Variants in SLC4A10 observed in about 807,000 individuals in gnomAD.
SLC4A10 encodes the protein solute carrier family 4 member 10.
A neutral mutation model predicts 137.7 loss-of-function variants in SLC4A10; 42 were observed. The ratio of observed to expected loss-of-function variants is 0.30; its 90% CI spans 0.24 to 0.39. The LOEUF (loss-of-function observed/expected upper bound fraction) is 0.39, where lower values mean the gene tolerates loss of function less well. SLC4A10 is among the 10% of genes least tolerant of loss of function. The probability of loss-of-function intolerance (pLI) is 1.00; values close to 1 mark genes in which losing one functional copy is unlikely to be tolerated. For missense variants in SLC4A10, 925 were observed against 1,355.0 expected (o/e 0.68, Z 4.98); for synonymous variants, 474 against 464.1 (o/e 1.02, Z -0.27).
At chr2:161,929,623 C>G (rs1689952314) in intron 15 of SLC4A10, among the ~76,000 whole-genome samples, 1 of 152,098 alleles carries the variant, frequency 6.6e-6, no homozygotes, top group African/African-American at 2.4e-5. Context: ...ATTTCTGCTT[C>G]CTCAATTCCA....
chr2:161,671,600 G>T (rs2039729342), intron 1 of SLC4A10, among the ~76,000 whole-genome samples: 1 of 152,112 alleles, frequency 6.6e-6, no homozygotes, highest in African/African-American at 2.4e-5. Context: ...CACCACCTGG[G>T]TGACAGGATC....
intron 1 of SLC4A10, among the ~76,000 whole-genome samples, chr2:161,717,375 T>C (rs1440547720): frequency 6.6e-6 from 1 of 152,234 alleles, no homozygotes; most frequent in Non-Finnish European, 1.5e-5. Context: ...GTGCCAGTTT[T>C]CAAGGGGAAT....
At chr2:161,861,018 G>A (rs560274723) in intron 5 of SLC4A10, among the ~76,000 whole-genome samples, 33 of 152,220 alleles carry the variant, frequency 2.2e-4, no homozygotes, top group Non-Finnish European at 4.4e-4. Context: ...GCTCATTTGT[G>A]TACATGTTGC....
At chr2:161,965,352 GAGAGAATGAAGATCTT>G (rs1697401165) in intron 23 of SLC4A10, among the ~76,000 whole-genome samples, 179 bp downstream of exon 23, 1 of 152,142 alleles carries the variant, frequency 6.6e-6, no homozygotes, top group Admixed American at 6.5e-5. Flanking sequence ...TTTGAACAGA[GAGAGAATGAAGATCTT>G]ATAGGAGGAA....
chr2:161,843,470 G>C (rs966233852), intron 4 of SLC4A10, among the ~76,000 whole-genome samples: 1 of 152,168 alleles, frequency 6.6e-6, no homozygotes, highest in South Asian at 2.1e-4. Context: ...TGCTATAGCT[G>C]TTTGAGCTTC....
chr2:161,770,062 G>T (rs1372420068), intron 1 of SLC4A10, among the ~76,000 whole-genome samples: 2 of 151,744 alleles, frequency 1.3e-5, no homozygotes, highest in Non-Finnish European at 2.9e-5. Context: ...GTCATATACT[G>T]GAATAGACAG....
At chr2:161,893,516 C>A (rs987269362) in intron 10 of SLC4A10, among the ~76,000 whole-genome samples, 3 of 152,066 alleles carry the variant, frequency 2.0e-5, no homozygotes, top group Admixed American at 2.0e-4. Context: ...GGCAACATAG[C>A]AAGACTCTGT....
At chr2:161,881,513 A>G (rs1430094867) in intron 9 of SLC4A10, among the ~76,000 whole-genome samples, 1 of 152,082 alleles carries the variant, frequency 6.6e-6, no homozygotes, top group Non-Finnish European at 1.5e-5. Flanking sequence ...GAGTAGAATT[A>G]TAGTAACTAT....
chr2:161,803,791 A>G (rs1464755566), intron 2 of SLC4A10, among the ~76,000 whole-genome samples: 1 of 152,172 alleles, frequency 6.6e-6, no homozygotes, highest in Non-Finnish European at 1.5e-5. Flanking sequence ...ACTGAACCCT[A>G]TATATACTGT....
chr2:161,645,212 A>G (rs2035869218), intron 1 of SLC4A10, among the ~76,000 whole-genome samples: 1 of 101,008 alleles, frequency 9.9e-6, no homozygotes, highest in Non-Finnish European at 2.0e-5. Flanking sequence ...GTTGGAAGCA[A>G]TTCGGGAATT....
chr2:161,634,658 A>G (rs2034122236), intron 1 of SLC4A10, among the ~76,000 whole-genome samples: 1 of 152,072 alleles, frequency 6.6e-6, no homozygotes, highest in Non-Finnish European at 1.5e-5. Context: ...TAATAATCAA[A>G]TAAGGGTAAT....
chr2:161,634,111 T>G (rs1216492121), intron 1 of SLC4A10, among the ~76,000 whole-genome samples: 2 of 151,874 alleles, frequency 1.3e-5, no homozygotes, highest in African/African-American at 2.4e-5. Context: ...TACCATATTG[T>G]GTTTAGATAT....
chr2:161,658,484 T>G (rs2037849940), intron 1 of SLC4A10, among the ~76,000 whole-genome samples: 1 of 152,176 alleles, frequency 6.6e-6, no homozygotes, highest in Non-Finnish European at 1.5e-5. Context: ...CAACTGGATT[T>G]GCACACAGTA....
intron 3 of SLC4A10, among the ~76,000 whole-genome samples, chr2:161,812,091 C>G (rs1175343382): frequency 6.6e-6 from 1 of 151,998 alleles, no homozygotes; most frequent in East Asian, 1.9e-4. Flanking sequence ...GCAGATAAGT[C>G]TATAGTCTCT....
intron 1 of SLC4A10, among the ~76,000 whole-genome samples, chr2:161,640,829 C>A (rs2035216579): frequency 6.6e-6 from 1 of 152,038 alleles, no homozygotes; most frequent in Non-Finnish European, 1.5e-5. Context: ...CCCTCCCTGG[C>A]CTGCATTTTC....
intron 1 of SLC4A10, among the ~76,000 whole-genome samples, chr2:161,656,025 G>T (rs891916106): frequency 6.6e-6 from 1 of 151,954 alleles, no homozygotes; most frequent in Admixed American, 6.6e-5. Context: ...TGTTGGTCAG[G>T]CTGGTCTCAA....
chr2:161,762,376 T>C (rs1391566147), intron 1 of SLC4A10, among the ~76,000 whole-genome samples: 1 of 152,154 alleles, frequency 6.6e-6, no homozygotes, highest in African/African-American at 2.4e-5. Flanking sequence ...ATTCAGTTAG[T>C]ATTTAAATTC....
intron 3 of SLC4A10, among the ~76,000 whole-genome samples, chr2:161,827,717 G>GC (rs201873836): frequency 0.068 from 10,263 of 151,818 alleles, 463 homozygotes; most frequent in East Asian, 0.18. Flanking sequence ...AGGCACGCCC[G>GC]CACCAGGCCG....
chr2:161,898,603 A>G (rs2105274098), intron 11 of SLC4A10, among the ~76,000 whole-genome samples: 1 of 152,116 alleles, frequency 6.6e-6, no homozygotes, highest in East Asian at 1.9e-4. Context: ...TTTCCCTTTC[A>G]GTTAAGAGAA....
Sources: allele counts gnomAD v4.1 joint callset (sites outside exome capture counted in the v4.1 genomes callset), GRCh38; gene constraint gnomAD v4.1.1; transcripts MANE v1.5; gene names NCBI Gene and HGNC (gene_info 2026-07-23, HGNC 2026-07-21).